The following APC variants were observed in gnomAD, a reference collection of about 807,000 sequenced individuals.
APC encodes the protein APC regulator of Wnt signaling pathway, also known as adenomatous polyposis coli protein.
A neutral mutation model predicts 247.0 loss-of-function variants in APC; 72 were observed. The observed-to-expected ratio is 0.29, with a 90% CI of 0.24 to 0.35. The LOEUF is 0.35. Among genes scored for constraint, APC ranks in the 10% least tolerant of loss-of-function variants. APC has a pLI of 1.00. For missense variants in APC, 3,400 were observed against 3,360.7 expected (o/e 1.01, Z -0.29); for synonymous variants, 1,254 against 1,162.5 (o/e 1.08, Z -1.60).
chr5:112,766,828 T>C (rs555286810), intron 3 of APC, among the ~76,000 whole-genome samples: 1 of 152,358 alleles, frequency 6.6e-6, no homozygotes, highest in East Asian at 1.9e-4. Flanking sequence ...TAATTCATTT[T>C]TAGCAGTTTT....
intron 6 of APC, among the ~76,000 whole-genome samples, chr5:112,787,622 C>T (rs1318870233): frequency 6.6e-6 from 1 of 152,140 alleles, no homozygotes; most frequent in Non-Finnish European, 1.5e-5. Flanking sequence ...ATATCCCTTG[C>T]TCATTCCCTA....
chr5:112,791,098 G>C (rs917679065), intron 6 of APC, among the ~76,000 whole-genome samples: 2 of 152,216 alleles, frequency 1.3e-5, no homozygotes, highest in South Asian at 4.1e-4. Flanking sequence ...TCATAAGTGA[G>C]TTGTTTTTTC....
At chr5:112,805,065 G>T (rs965405002) in intron 8 of APC, among the ~76,000 whole-genome samples, 1 of 151,942 alleles carries the variant, frequency 6.6e-6, no homozygotes, top group African/African-American at 2.4e-5. Flanking sequence ...TGTATAATGT[G>T]TGTATATGCA....
At position 112,845,131 on chromosome 5, in the gene APC, TGAA is replaced by T. The variant is rs922756888; in HGVS notation, c.*1011_*1013del. ...TTCCTCTTACTGTAATAAAAACAAT[TGAA>T]GAAGACTGTTGCCACTTAACCATTC... On this transcript the variant is annotated 3_prime_UTR_variant, in exon 16 of 16. Transcript: ENST00000257430. 1.7e-5 allele frequency: 4 copies of T among 232,454 alleles called. No homozygotes were observed. Among genetic ancestry groups the T allele is most frequent in the Non-Finnish European group, 3.4e-5 (4 of 117,356 alleles). The allele number at this position is 232,454 out of a possible 1,614,324, so 14.4% of individuals were successfully genotyped here.
At chr5:112,798,195 GAATA>G (rs1487035767) in intron 7 of APC, among the ~76,000 whole-genome samples, 6 of 152,132 alleles carry the variant, frequency 3.9e-5, no homozygotes, top group South Asian at 2.1e-4. Flanking sequence ...ATCAACTAGT[GAATA>G]AATAAACAAA....
chr5:112,789,857 ATTT>A (rs71626674), intron 6 of APC, among the ~76,000 whole-genome samples: 1 of 147,300 alleles, frequency 6.8e-6, no homozygotes, highest in African/African-American at 2.5e-5. Context: ...CTTAAAGAAT[ATTT>A]TTTTTTTTTT....
rs187075 is a variant in APC at position 112,828,541 on chromosome 5, C to T, written c.1627-315C>T. On this transcript the variant is annotated intron_variant, in intron 13 of 15. Transcript: ENST00000257430. ...GATTATGGCTCACAGTAACCTCAAG[C>T]TCCTGGGATCCTCCTGCTTCAGCCT... Among the ~76,000 whole-genome samples the T allele has an allele frequency of 0.61, 92,631 of 151,408 alleles. 28,781 individuals carry two copies. Among genetic ancestry groups the T allele is most frequent in the East Asian group, 0.82 (4,221 of 5,152 alleles).
In APC at chr5:112,842,833, G is replaced by A. The variant is rs773598516; in HGVS notation, c.7239G>A (p.Lys2413=). 9 of 1,613,804 alleles carry A rather than the reference G, an allele frequency of 5.6e-6. No homozygotes were observed. The highest frequency in any genetic ancestry group is 1.1e-5 in the South Asian group (1 of 91,072). Residue 2413 remains lysine, a synonymous_variant, in exon 16 of 16, where the codon AAG becomes AAA. Transcript: ENST00000257430. ...QMNNGNGANK[K]VELSRMSSTK... ...ATAATGGTAATGGAGCCAATAAAAA[G>A]GTAGAACTTTCTAGAATGTCTTCAA... is the stretch of plus-strand genomic sequence containing the variant.
chr5:112,740,103 A>G (rs1018068112), intron 1 of APC, among the ~76,000 whole-genome samples: 1 of 152,200 alleles, frequency 6.6e-6, no homozygotes, highest in Non-Finnish European at 1.5e-5. Context: ...GTCACTGACA[A>G]ATTATTCAAA....
rs370862148 is a variant in APC at position 112,779,089 on chromosome 5, GAA to G, written c.532-1699_532-1698del. Among the ~76,000 whole-genome samples the G allele has an allele frequency of 5.8e-3, 883 of 152,276 alleles. 6 individuals carry two copies. The highest frequency in any genetic ancestry group is 0.01 in the Middle Eastern group (3 of 294). On this transcript the variant is annotated intron_variant, in intron 5 of 15. Coordinates refer to ENST00000257430, the MANE Select transcript of APC (RefSeq NM_000038.6). ...AATAATCATTCAGGGTTTTGAGAGA[GAA>G]AGGATCCCTTTTTCTGAGAGGGCCC... is the stretch of plus-strand genomic sequence containing the variant.
chr5:112,765,909 T>C (rs564670894), intron 2 of APC, among the ~76,000 whole-genome samples: 1 of 152,272 alleles, frequency 6.6e-6, no homozygotes, highest in South Asian at 2.1e-4. Context: ...TTAAATAGAT[T>C]ATGTGTTAAT....
chr5:112,827,016 G>GT (rs909333377), intron 11 of APC, 92 bp from the exon 12 acceptor site: 2,110 of 1,251,550 alleles, frequency 1.7e-3, no homozygotes, highest in Non-Finnish European at 2.0e-3. Flanking sequence ...CATTGATTGA[G>GT]TTTTTTTTTC....
At chr5:112,834,011 G>T (rs1234792789) in intron 14 of APC, among the ~76,000 whole-genome samples, 1 of 151,724 alleles carries the variant, frequency 6.6e-6, no homozygotes, top group African/African-American at 2.4e-5. Flanking sequence ...GAGTGCAGTG[G>T]CGCGATCATG....
intron 1 of APC, among the ~76,000 whole-genome samples, chr5:112,730,131 G>A (rs758021226): frequency 1.8e-4 from 28 of 152,152 alleles, no homozygotes; most frequent in Non-Finnish European, 2.9e-4. Context: ...AAATTTATGG[G>A]TGGATTCATT....
Position 112,818,976 on chromosome 5 carries a change from T to C in APC, c.944T>C (p.Val315Ala), listed in dbSNP as rs1408124942. 1 of 1,613,996 alleles carries C rather than the reference T, an allele frequency of 6.2e-7. No individual in the cohort carries two copies. The highest frequency in any genetic ancestry group is 1.7e-5 in the Admixed American group (1 of 60,010). ...TCATTTGGCCCACAGGTGGAAATGG[T>C]GTATTCATTGTTGTCAATGCTTGGT... ...TSHLGTKVEM[V>A]YSLLSMLGTH... Residue 315 changes from valine (V) to alanine (A), a missense_variant, in exon 10 of 16, where the codon GTG becomes GCG. Val to Ala is a moderately conservative substitution (Grantham distance 64). Coordinates refer to ENST00000257430, the MANE Select transcript of APC (RefSeq NM_000038.6).
intron 6 of APC, among the ~76,000 whole-genome samples, chr5:112,788,063 C>T (rs1286711775): frequency 6.6e-6 from 1 of 152,056 alleles, no homozygotes; most frequent in East Asian, 1.9e-4. Context: ...GCACTAGTTC[C>T]TCATCGATGA....
intron 1 of APC, chr5:112,708,009 C>G: frequency 2.0e-6 from 2 of 980,106 alleles, no homozygotes; most frequent in Non-Finnish European, 2.7e-6. Context: ...GTCTCACCCT[C>G]TCCCCTCCCC....
At chr5:112,734,871 GC>G (rs900470805), upstream of APC, among the ~76,000 whole-genome samples, 2 of 148,520 alleles carry the variant, frequency 1.3e-5, no homozygotes, top group African/African-American at 5.0e-5. Context: ...GCTCACTGCA[GC>G]CCCCACCTCC....
rs183977130 is a variant in APC, at chr5:112,742,074, C to G, written c.-19+4149C>G. Among the ~76,000 whole-genome samples, 6 of 152,230 alleles carry G rather than the reference C, an allele frequency of 3.9e-5. No individual in the cohort carries two copies. The East Asian group carries it at 1.2e-3, about 29-fold the overall frequency. On this transcript the variant is annotated intron_variant, in intron 1 of 15. Coordinates refer to ENST00000257430, the MANE Select transcript of APC (RefSeq NM_000038.6). ...CTTTTGTCTATCATGAATAATGCTA[C>G]TATGAACGTGGGTGTGCAAGTGTCT...
Sources: gnomAD v4.1 joint callset for allele counts (sites outside exome capture counted in the v4.1 genomes callset) on GRCh38, gnomAD v4.1.1 for gene constraint, MANE v1.5 for transcripts, NCBI Gene and HGNC (gene_info 2026-07-23, HGNC 2026-07-21) for gene names.